The following CDC123 variants were observed in gnomAD, a reference collection of about 807,000 sequenced individuals.
The protein encoded by CDC123 is translation initiation factor eIF2 assembly protein.
Under a neutral mutation model 54.4 loss-of-function variants are expected in CDC123, and 37 were observed. The ratio of observed to expected loss-of-function variants is 0.68; its 90% CI spans 0.52 to 0.89. The LOEUF is 0.89. Among genes scored for constraint, CDC123 ranks in the 40% least tolerant of loss-of-function variants. The pLI is 0.00. For missense variants in CDC123, 361 were observed against 412.1 expected, an observed-to-expected ratio of 0.88 and a Z score of 1.07; for synonymous variants, 144 against 136.8, an observed-to-expected ratio of 1.05 and a Z score of -0.37.
rs138631685 is a variant in CDC123, at chr10:12,238,691, C to T, written c.717+206C>T. On this transcript the variant is annotated intron_variant, in intron 10 of 12. Coordinates refer to ENST00000281141, the MANE Select transcript of CDC123 (RefSeq NM_006023.3). ...AGGAGTTCGAGACTAGCCTGGGCAA[C>T]ATAGTGAGCCCTCATCTCTACTAAA... Among the ~76,000 whole-genome samples, 752 of 152,052 alleles carry T rather than the reference C, an allele frequency of 4.9e-3. 27 individuals carry two copies. The East Asian group carries it at 0.076, about 15-fold the overall frequency.
At chr10:12,220,545 CTT>C (rs1448704445) in intron 6 of CDC123, among the ~76,000 whole-genome samples, 1 of 152,264 alleles carries the variant, frequency 6.6e-6, no homozygotes, top group African/African-American at 2.4e-5. Context: ...TAACGTGTCA[CTT>C]TGTCTAGAAG....
At chr10:12,244,120 C>G (rs970428165) in intron 10 of CDC123, among the ~76,000 whole-genome samples, 5 of 152,172 alleles carry the variant, frequency 3.3e-5, no homozygotes, top group African/African-American at 1.2e-4. Context: ...ACTGGAGGTT[C>G]TGGTATTTGA....
chr10:12,246,753 A>G (rs1052921491), intron 11 of CDC123: 1 of 154,124 alleles, frequency 6.5e-6, no homozygotes, highest in African/African-American at 2.4e-5. Flanking sequence ...TTTCCCGGAA[A>G]AGGGAACCCA....
chr10:12,226,550 G>T (rs1835818398), intron 6 of CDC123, among the ~76,000 whole-genome samples: 1 of 151,078 alleles, frequency 6.6e-6, no homozygotes, highest in South Asian at 2.1e-4. Flanking sequence ...GGTGGAGGTT[G>T]GGCAGAGACA....
chr10:12,219,176 G>A (rs1038124207), intron 6 of CDC123, among the ~76,000 whole-genome samples: 3 of 152,206 alleles, frequency 2.0e-5, no homozygotes, highest in South Asian at 2.1e-4. Flanking sequence ...CAACTCTGGC[G>A]TGTGAGCTCT....
intron 10 of CDC123, among the ~76,000 whole-genome samples, chr10:12,239,184 C>A (rs1836020976): frequency 1.3e-5 from 2 of 151,240 alleles, no homozygotes; most frequent in South Asian, 4.2e-4. Context: ...TTTCTCACAT[C>A]AACTAAGGTG....
At chr10:12,217,539 TTACTTATAG>T in intron 6 of CDC123, 72 bp downstream of exon 6, 1 of 1,466,122 alleles carries the variant, frequency 6.8e-7, no homozygotes, top group African/African-American at 1.4e-5. Context: ...TGAAATTCCA[TTACTTATAG>T]TACTATTATA....
Position 12,249,649 on chromosome 10 carries a change from G to A in CDC123, c.915G>A (p.Arg305=). The change falls in exon 12 of 13, where the codon CGG becomes CGA. Residue 305 remains arginine (R), a synonymous_variant. Coordinates refer to ENST00000281141, the MANE Select transcript of CDC123 (RefSeq NM_006023.3). ...TVQPSPYLSY[R]LPKDFVDLST... is the part of the protein sequence containing the mutation. ...AGCCCAGCCCCTATTTGAGTTACCGGCTACCCAAGGACTTTGTAGACCTCT... is the reference window on the plus strand; with the variant it reads ...AGCCCAGCCCCTATTTGAGTTACCGACTACCCAAGGACTTTGTAGACCTCT... 1.2e-6 allele frequency: 2 copies of A among 1,614,154 alleles called. No individual in the cohort carries two copies. The highest frequency in any genetic ancestry group is 1.1e-5 in the South Asian group (1 of 91,080).
chr10:12,206,916 G>A (rs549100824), intron 2 of CDC123, among the ~76,000 whole-genome samples: 9 of 140,980 alleles, frequency 6.4e-5, no homozygotes, highest in South Asian at 4.4e-4. Context: ...CTGAAATCAC[G>A]CCACTGCACT....
chr10:12,217,314 C>T (rs772209803), intron 5 of CDC123, 47 bp from the exon 6 acceptor site: 3 of 1,566,950 alleles, frequency 1.9e-6, no homozygotes, highest in Non-Finnish European at 2.6e-6. Context: ...GCATTCATAG[C>T]AGCCAACATG....
At chr10:12,221,140 A>G (rs866733395) in intron 6 of CDC123, among the ~76,000 whole-genome samples, 4 of 147,862 alleles carry the variant, frequency 2.7e-5, no homozygotes, top group Middle Eastern at 3.4e-3. Context: ...TTGACTTGAC[A>G]AAAAAAAAAT....
intron 7 of CDC123, among the ~76,000 whole-genome samples, chr10:12,233,232 A>G (rs959467308): frequency 2.6e-5 from 4 of 151,824 alleles, no homozygotes; most frequent in African/African-American, 9.7e-5. Context: ...AAAAGTTGCA[A>G]GTAGAATCCT....
chr10:12,242,360 C>A (rs1435891579), intron 10 of CDC123, among the ~76,000 whole-genome samples: 2 of 152,006 alleles, frequency 1.3e-5, no homozygotes, highest in Non-Finnish European at 1.5e-5. Context: ...GTTCTTGCCT[C>A]TCTTGAAGCA....
At chr10:12,224,782 G>T (rs923780962) in intron 6 of CDC123, among the ~76,000 whole-genome samples, 3 of 152,052 alleles carry the variant, frequency 2.0e-5, no homozygotes, top group Non-Finnish European at 2.9e-5. Flanking sequence ...GGTGGTGGTG[G>T]TTTTTTTGTT....
At chr10:12,237,304 A>G (rs780646454) in intron 9 of CDC123, 38 bp downstream of exon 9, 27 of 1,489,090 alleles carry the variant, frequency 1.8e-5, no homozygotes, top group Admixed American at 7.3e-5. Context: ...AATGAAATGA[A>G]ATATACATTG....
intron 4 of CDC123, among the ~76,000 whole-genome samples, chr10:12,214,961 C>A (rs1328385419): frequency 6.6e-6 from 1 of 152,086 alleles, no homozygotes. Context: ...GCCCTACTTC[C>A]CCCTCTCTTA....
intron 2 of CDC123, among the ~76,000 whole-genome samples, chr10:12,200,120 A>ACTT (rs1554805191): frequency 5.1e-5 from 3 of 59,356 alleles, no homozygotes; most frequent in Non-Finnish European, 6.1e-5. Flanking sequence ...CGCACTCGGC[A>ACTT]TTTTTTTTTT....
intron 10 of CDC123, among the ~76,000 whole-genome samples, chr10:12,243,783 CAAAAA>C (rs1236310764): frequency 1.3e-5 from 1 of 79,540 alleles, no homozygotes; most frequent in African/African-American, 4.7e-5. Context: ...GACTCCATCT[CAAAAA>C]AAAAAAAAAA....
intron 2 of CDC123, among the ~76,000 whole-genome samples, chr10:12,206,786 A>G (rs544902332): frequency 0.015 from 2,278 of 152,144 alleles, 31 homozygotes; most frequent in Non-Finnish European, 0.024. Context: ...GTGAAACCCC[A>G]TCTCTACTAA....
Sources: allele counts gnomAD v4.1 joint callset (sites outside exome capture counted in the v4.1 genomes callset), GRCh38; gene constraint gnomAD v4.1.1; transcripts MANE v1.5; gene names NCBI Gene and HGNC (gene_info 2026-07-23, HGNC 2026-07-21).